Variants in DPP10 observed in about 807,000 individuals in gnomAD.
The protein encoded by DPP10 is dipeptidyl peptidase like 10, also known as inactive dipeptidyl peptidase 10.
A neutral mutation model predicts 120.9 loss-of-function variants in DPP10; 33 were observed. The ratio of observed to expected loss-of-function variants is 0.27; its 90% confidence interval spans 0.21 to 0.37. The LOEUF is 0.37. Among genes scored for constraint, DPP10 ranks in the 10% least tolerant of loss-of-function variants. The pLI is 1.00. For missense variants in DPP10, 816 were observed against 942.8 expected, an observed-to-expected ratio of 0.87 and a Z score of 1.76; for synonymous variants, 337 against 326.1, an observed-to-expected ratio of 1.03 and a Z score of -0.36.
At chr2:115,193,134 T>C (rs1325256572) in intron 1 of DPP10, among the ~76,000 whole-genome samples, 1 of 152,200 alleles carries the variant, frequency 6.6e-6, no homozygotes, top group Non-Finnish European at 1.5e-5. Context: ...TTTTAAATTA[T>C]ACAACATTTC....
intron 1 of DPP10, among the ~76,000 whole-genome samples, chr2:114,670,160 C>A (rs1443694336): frequency 6.6e-6 from 1 of 151,928 alleles, no homozygotes; most frequent in Non-Finnish European, 1.5e-5. Flanking sequence ...CCCAGCCATC[C>A]CATTACTGGG....
At chr2:115,669,722 G>A (rs1439476613) in intron 5 of DPP10, among the ~76,000 whole-genome samples, 1 of 152,074 alleles carries the variant, frequency 6.6e-6, no homozygotes, top group Non-Finnish European at 1.5e-5. Flanking sequence ...ATCAAACATT[G>A]CATGATGCTT....
intron 10 of DPP10, among the ~76,000 whole-genome samples, chr2:115,749,145 T>C (rs1678387728): frequency 6.6e-6 from 1 of 152,208 alleles, no homozygotes; most frequent in African/African-American, 2.4e-5. Context: ...TACTGTGCAC[T>C]TAAGGTATTG....
intron 1 of DPP10, among the ~76,000 whole-genome samples, chr2:114,521,218 TATCAA>T (rs1250060218): frequency 6.7e-6 from 1 of 150,316 alleles, no homozygotes; most frequent in East Asian, 1.9e-4. Context: ...TAATAAAAGA[TATCAA>T]ATCTAATCTG....
At chr2:115,203,676 A>T (rs532343309) in intron 1 of DPP10, among the ~76,000 whole-genome samples, 30 of 152,062 alleles carry the variant, frequency 2.0e-4, no homozygotes, top group South Asian at 2.1e-4. Flanking sequence ...CATGCACACA[A>T]ATCCATGAAG....
At chr2:114,942,287 G>GTATATATATACATATATATATA in intron 1 of DPP10, among the ~76,000 whole-genome samples, 2 of 112,800 alleles carry the variant, frequency 1.8e-5, no homozygotes, top group South Asian at 5.4e-4. Context: ...AAAAAAATGT[G>GTATATATATACATATATATATA]TATATATATA....
intron 1 of DPP10, among the ~76,000 whole-genome samples, chr2:114,503,316 A>G (rs571127497): frequency 6.6e-6 from 1 of 152,326 alleles, no homozygotes; most frequent in East Asian, 1.9e-4. Flanking sequence ...CTTAAAAATG[A>G]CTGGAAAAGT....
intron 1 of DPP10, among the ~76,000 whole-genome samples, chr2:115,157,015 GC>G (rs1459525549): frequency 1.3e-5 from 2 of 152,004 alleles, no homozygotes; most frequent in African/African-American, 4.8e-5. Flanking sequence ...AAAATAAAGA[GC>G]AAAATAAAGA....
At chr2:115,350,880 T>G (rs1158640065) in intron 3 of DPP10, among the ~76,000 whole-genome samples, 1 of 152,100 alleles carries the variant, frequency 6.6e-6, no homozygotes, top group Non-Finnish European at 1.5e-5. Flanking sequence ...TAACAAATGT[T>G]GATGAGGCTG....
chr2:115,212,964 A>G (rs1194639903), intron 1 of DPP10, among the ~76,000 whole-genome samples: 1 of 152,168 alleles, frequency 6.6e-6, no homozygotes, highest in Non-Finnish European at 1.5e-5. Flanking sequence ...GTTCATTTAT[A>G]TAATCACAAA....
chr2:115,238,878 C>G (rs948034613), intron 1 of DPP10, among the ~76,000 whole-genome samples: 1 of 152,064 alleles, frequency 6.6e-6, no homozygotes, highest in Non-Finnish European at 1.5e-5. Flanking sequence ...TTAACTCACA[C>G]GATCACAAGG....
At chr2:115,480,234 C>A (rs1373015814) in intron 3 of DPP10, among the ~76,000 whole-genome samples, 1 of 152,052 alleles carries the variant, frequency 6.6e-6, no homozygotes, top group African/African-American at 2.4e-5. Context: ...GTTCAATTTT[C>A]TTTATGTAAA....
chr2:115,693,092 T>C (rs1176305039), intron 7 of DPP10, among the ~76,000 whole-genome samples: 1 of 152,210 alleles, frequency 6.6e-6, no homozygotes, highest in East Asian at 1.9e-4. Flanking sequence ...TGTCTGCAAT[T>C]GTCCAGATAC....
intron 1 of DPP10, among the ~76,000 whole-genome samples, chr2:115,066,488 C>G (rs1162331222): frequency 6.6e-6 from 1 of 152,066 alleles, no homozygotes; most frequent in Admixed American, 6.5e-5. Context: ...TCTTAAGGGT[C>G]CATTAGATGG....
At chr2:115,256,425 T>TTC (rs2058990139) in intron 1 of DPP10, among the ~76,000 whole-genome samples, 2 of 152,152 alleles carry the variant, frequency 1.3e-5, no homozygotes, top group Admixed American at 6.5e-5. Context: ...CCACCGAGGC[T>TTC]TATGGCATGC....
At chr2:114,785,674 G>A (rs970199179) in intron 1 of DPP10, among the ~76,000 whole-genome samples, 1 of 152,108 alleles carries the variant, frequency 6.6e-6, no homozygotes, top group South Asian at 2.1e-4. Flanking sequence ...AATGTAGAGG[G>A]GCCCTGGGAG....
At chr2:115,712,439 A>G (rs2092349091) in intron 7 of DPP10, among the ~76,000 whole-genome samples, 1 of 150,354 alleles carries the variant, frequency 6.7e-6, no homozygotes, top group Non-Finnish European at 1.5e-5. Flanking sequence ...AGACTGGTCC[A>G]TGGCCTGGGG....
chr2:115,686,816 G>C (rs567311264), intron 5 of DPP10, among the ~76,000 whole-genome samples: 1 of 152,118 alleles, frequency 6.6e-6, no homozygotes, highest in East Asian at 1.9e-4. Context: ...CTAATAAGTA[G>C]TGGAACATCA....
intron 1 of DPP10, among the ~76,000 whole-genome samples, chr2:115,028,225 A>G (rs1703604385): frequency 6.6e-6 from 1 of 152,060 alleles, no homozygotes; most frequent in African/African-American, 2.4e-5. Context: ...CCTCTTTGAT[A>G]AAGTCATTTA....
Sources: allele counts gnomAD v4.1 joint callset (sites outside exome capture counted in the v4.1 genomes callset), GRCh38; gene constraint gnomAD v4.1.1; transcripts MANE v1.5; gene names NCBI Gene and HGNC (gene_info 2026-07-23, HGNC 2026-07-21).